Variants in CRYM observed in about 807,000 individuals in gnomAD.
The protein encoded by CRYM is ketimine reductase mu-crystallin.
Under a neutral mutation model 32.9 loss-of-function variants are expected in CRYM, and 18 were observed. The observed-to-expected ratio is 0.55, with a 90% CI of 0.38 to 0.81. The LOEUF is 0.81. Among genes scored for constraint, CRYM ranks in the 30% least tolerant of loss-of-function variants. CRYM has a pLI of 0.00. For synonymous variants in CRYM, 153 were observed against 152.4 expected (o/e 1.00, Z -0.03); for missense variants, 337 against 393.5 (o/e 0.86, Z 1.21).
At chr16:21,274,107 G>A (rs761206487) in intron 3 of CRYM, among the ~76,000 whole-genome samples, 1 of 152,226 alleles carries the variant, frequency 6.6e-6, no homozygotes, top group Non-Finnish European at 1.5e-5. Context: ...AGGAAAACCA[G>A]TGTCCCAAGA....
intron 5 of CRYM, 115 bp downstream of exon 5, chr16:21,267,439 A>T: frequency 1.8e-6 from 2 of 1,125,720 alleles, no homozygotes; most frequent in Non-Finnish European, 2.7e-6. Flanking sequence ...CAAGGCCCTT[A>T]AATAGCTTGG....
intron 3 of CRYM, among the ~76,000 whole-genome samples, chr16:21,271,833 G>A (rs895215915): frequency 2.0e-5 from 3 of 151,724 alleles, no homozygotes; most frequent in African/African-American, 7.3e-5. Context: ...TTGTTGCCCT[G>A]GTAATAGTGT....
intron 1 of CRYM, among the ~76,000 whole-genome samples, chr16:21,289,607 TTGTCATAAGAA>T (rs1960564661): frequency 6.6e-6 from 1 of 152,290 alleles, no homozygotes; most frequent in Non-Finnish European, 1.5e-5. Context: ...TTCTACCATT[TTGTCATAAGAA>T]TGTCATAAGA....
chr16:21,267,108 T>G (rs2093365281), intron 5 of CRYM, among the ~76,000 whole-genome samples: 1 of 152,200 alleles, frequency 6.6e-6, no homozygotes, highest in Non-Finnish European at 1.5e-5. Flanking sequence ...ATTGTTTGTT[T>G]GTTTTTTAAG....
At chr16:21,287,875 T>C (rs554968700) in intron 1 of CRYM, among the ~76,000 whole-genome samples, 1 of 152,220 alleles carries the variant, frequency 6.6e-6, no homozygotes, top group Non-Finnish European at 1.5e-5. Context: ...TTTTAGCACA[T>C]TATCAAACCA....
At position 21,258,564 on chromosome 16, in the gene CRYM, A is replaced by C. The variant is rs1436767996; in HGVS notation, c.*217T>G. ...TTTATTTCAGGGAAATATAAAGGGA[A>C]ATGAATGCTATTATAACTTGGTAGA... On this transcript the variant is annotated 3_prime_UTR_variant, in exon 8 of 8. Coordinates refer to ENST00000572914, the MANE Select transcript of CRYM (RefSeq NM_001376256.1). The C allele has an allele frequency of 3.4e-6, 2 of 594,948 alleles. No individual in the cohort carries two copies. Among genetic ancestry groups the C allele is most frequent in the African/African-American group, 3.7e-5 (2 of 53,738 alleles). The allele number at this position is 594,948 out of a possible 1,614,324, so 36.9% of individuals were successfully genotyped here.
intron 1 of CRYM, among the ~76,000 whole-genome samples, chr16:21,299,603 C>G (rs1960859972): frequency 6.6e-6 from 1 of 152,238 alleles, no homozygotes; most frequent in African/African-American, 2.4e-5. Flanking sequence ...AGCCACTGCA[C>G]CTGACCACAT....
chr16:21,274,049 T>G (rs888758129), intron 3 of CRYM, among the ~76,000 whole-genome samples: 4 of 152,216 alleles, frequency 2.6e-5, no homozygotes, highest in Non-Finnish European at 5.9e-5. Context: ...ACCTGGTCTT[T>G]GCTGCTGCAA....
chr16:21,297,977 C>A (rs144374246), intron 1 of CRYM, among the ~76,000 whole-genome samples: 5 of 152,304 alleles, frequency 3.3e-5, no homozygotes, highest in African/African-American at 1.2e-4. Context: ...TTTAGCAATG[C>A]ATTAAAAAAT....
intron 1 of CRYM, among the ~76,000 whole-genome samples, chr16:21,291,622 A>T (rs1031298124): frequency 1.3e-5 from 2 of 152,138 alleles, no homozygotes; most frequent in African/African-American, 4.8e-5. Context: ...CATTAATCTC[A>T]ATAGAGGGGA....
intron 7 of CRYM, among the ~76,000 whole-genome samples, chr16:21,259,890 T>G (rs1252825762): frequency 6.6e-6 from 1 of 152,218 alleles, no homozygotes; most frequent in Non-Finnish European, 1.5e-5. Context: ...AAAGCAAAAA[T>G]TGCCAAAAAG....
At chr16:21,267,441 A>G (rs1484986207) in intron 5 of CRYM, 113 bp downstream of exon 5, 1 of 1,143,172 alleles carries the variant, frequency 8.7e-7, no homozygotes, top group Non-Finnish European at 1.3e-6. Context: ...AGGCCCTTAA[A>G]TAGCTTGGGC....
chr16:21,260,828 C>G (rs1034674302), intron 7 of CRYM, among the ~76,000 whole-genome samples: 1 of 152,194 alleles, frequency 6.6e-6, no homozygotes, highest in African/African-American at 2.4e-5. Flanking sequence ...CTGACTCTTT[C>G]AGGTTGGGTC....
At chr16:21,284,579 A>G (rs1422115817) in intron 1 of CRYM, among the ~76,000 whole-genome samples, 1 of 152,006 alleles carries the variant, frequency 6.6e-6, no homozygotes, top group Non-Finnish European at 1.5e-5. Context: ...TTTTGTCTCC[A>G]GCTGCATCTA....
chr16:21,272,511 C>T (rs2093377679), intron 3 of CRYM, among the ~76,000 whole-genome samples: 1 of 152,172 alleles, frequency 6.6e-6, no homozygotes, highest in Non-Finnish European at 1.5e-5. Context: ...GTCCCCTCTC[C>T]CCCTCACAAG....
Position 21,277,327 on chromosome 16 carries a change from A to T in CRYM, c.324+104T>A. 1 of 1,191,036 alleles carries T rather than the reference A, an allele frequency of 8.4e-7. No individual in the cohort carries two copies. The highest frequency in any genetic ancestry group is 1.3e-5 in the South Asian group (1 of 76,966). The allele number at this position is 1,191,036 out of a possible 1,614,324, so 73.8% of individuals were successfully genotyped here. A position where few individuals can be genotyped will look rare whatever the true frequency, so the allele number is the denominator to read the frequency against. ...GGTATCCAGTCACTTGCAGAGGGGC[A>T]CGCGTAGTCACAATCAAGACTCCCC... On this transcript the variant is annotated intron_variant, in intron 2 of 7. Transcript: ENST00000572914. The surrounding 1 kb of genome is among the most constrained non-coding windows in gnomAD (Gnocchi z 4.2).
intron 1 of CRYM, chr16:21,300,364 G>A (rs949705609): frequency 1.3e-5 from 2 of 152,010 alleles, no homozygotes; most frequent in African/African-American, 4.8e-5. Context: ...TGTTGTTAAA[G>A]GTGTTTGGCA....
At chr16:21,278,412 T>G, upstream of CRYM, 1 of 837,256 alleles carries the variant, frequency 1.2e-6, no homozygotes, top group Non-Finnish European at 1.9e-6. Context: ...AGCCCTCTCC[T>G]CCCCCTTCGC....
chr16:21,263,928 T>C (rs1305992032), intron 5 of CRYM, among the ~76,000 whole-genome samples: 1 of 152,230 alleles, frequency 6.6e-6, no homozygotes, highest in African/African-American at 2.4e-5. Context: ...GCCCCAGTTG[T>C]TTTCTTAGAA....
Sources: allele counts gnomAD v4.1 joint callset (sites outside exome capture counted in the v4.1 genomes callset), GRCh38; gene constraint gnomAD v4.1.1; non-coding constraint Gnocchi (gnomAD v3.1); transcripts MANE v1.5; gene names NCBI Gene and HGNC (gene_info 2026-07-23, HGNC 2026-07-21).